AHCYL2: variants seen among roughly 807,000 people sequenced by gnomAD.
AHCYL2 encodes the protein S-adenosylhomocysteine hydrolase-like protein 2.
A neutral mutation model predicts 81.4 loss-of-function variants in AHCYL2; 28 were observed. The observed-to-expected ratio is 0.34, with a 90% CI of 0.25 to 0.47. The LOEUF (loss-of-function observed/expected upper bound fraction) is 0.47. AHCYL2 is among the 20% of genes least tolerant of loss of function. The probability of loss-of-function intolerance (pLI) is 1.00; values close to 1 mark genes in which losing one functional copy is unlikely to be tolerated. For synonymous variants in AHCYL2, 272 were observed against 290.2 expected (o/e 0.94, Z 0.64); for missense variants, 551 against 785.1 (o/e 0.70, Z 3.56).
At chr7:129,321,742 T>C (rs1798023112) in intron 1 of AHCYL2, among the ~76,000 whole-genome samples, 1 of 125,304 alleles carries the variant, frequency 8.0e-6, no homozygotes, top group Non-Finnish European at 1.6e-5. Flanking sequence ...ATTCTTTCTT[T>C]GTTTTTTTTT....
chr7:129,349,651 C>CAAAAAA (rs34969591), intron 1 of AHCYL2, among the ~76,000 whole-genome samples: 1 of 86,106 alleles, frequency 1.2e-5, no homozygotes, highest in South Asian at 4.7e-4. Context: ...GACTCTGTTT[C>CAAAAAA]AAAAAAAAAA....
rs1289950756 is a variant in AHCYL2 at position 129,385,084 on chromosome 7, G to C, written c.476-3972G>C. Among the ~76,000 whole-genome samples the C allele has an allele frequency of 3.9e-5, 6 of 152,230 alleles. No individual in the cohort carries two copies. In the East Asian group the frequency reaches 1.2e-3, roughly 29 times the overall value. The stretch of plus-strand genomic sequence containing the variant: ...AGTTACTTGGTTAAGGATGAGGAAA[G>C]AAGACAGAAGTCCCTTCTTCACGAT... On this transcript the variant is annotated intron_variant, in intron 2 of 16. Coordinates refer to ENST00000325006, the MANE Select transcript of AHCYL2 (RefSeq NM_015328.4).
chr7:129,260,124 G>A (rs1795572706), intron 1 of AHCYL2, among the ~76,000 whole-genome samples: 1 of 150,778 alleles, frequency 6.6e-6, no homozygotes, highest in African/African-American at 2.4e-5. Flanking sequence ...GATTTTTAAG[G>A]TAATGTGCCT....
intron 4 of AHCYL2, among the ~76,000 whole-genome samples, chr7:129,395,868 G>C (rs760747257): frequency 6.6e-6 from 1 of 152,132 alleles, no homozygotes; most frequent in Non-Finnish European, 1.5e-5. Flanking sequence ...CCAGCCTTTC[G>C]TAATTGTTCA....
At chr7:129,416,516 A>G (rs1179387922) in intron 12 of AHCYL2, among the ~76,000 whole-genome samples, 1 of 151,910 alleles carries the variant, frequency 6.6e-6, no homozygotes, top group Admixed American at 6.6e-5. Flanking sequence ...GAATATGATG[A>G]GCCGGGCCCA....
chr7:129,404,862 G>A (rs1299306975), intron 7 of AHCYL2, among the ~76,000 whole-genome samples: 2 of 151,980 alleles, frequency 1.3e-5, no homozygotes, highest in East Asian at 3.9e-4. Context: ...AAAATTTAGA[G>A]GTGGGTCAAG....
chr7:129,255,500 C>T (rs139404035), intron 1 of AHCYL2, among the ~76,000 whole-genome samples: 34 of 152,244 alleles, frequency 2.2e-4, no homozygotes, highest in African/African-American at 7.9e-4. Context: ...ATCTATTGGA[C>T]AGTGTGGGTC....
At chr7:129,247,475 A>C (rs977653486) in intron 1 of AHCYL2, among the ~76,000 whole-genome samples, 6 of 152,166 alleles carry the variant, frequency 3.9e-5, no homozygotes, top group African/African-American at 1.4e-4. Flanking sequence ...GATTTTTCAG[A>C]TATGTGATTT....
At chr7:129,358,824 C>T (rs550973838) in intron 1 of AHCYL2, among the ~76,000 whole-genome samples, 5 of 152,122 alleles carry the variant, frequency 3.3e-5, no homozygotes, top group African/African-American at 1.2e-4. Context: ...AGATGAAAAC[C>T]ACAGTGTGAC....
intron 1 of AHCYL2, among the ~76,000 whole-genome samples, chr7:129,228,776 G>A (rs532735979): frequency 5.9e-5 from 9 of 152,348 alleles, no homozygotes; most frequent in East Asian, 3.9e-4. Flanking sequence ...AGTAATGACC[G>A]TGTTCAAACA....
At position 129,316,647 on chromosome 7, in the gene AHCYL2, A is replaced by G. The variant is rs1285941685; in HGVS notation, c.364-62991A>G. On this transcript the variant is annotated intron_variant, in intron 1 of 16. Coordinates refer to ENST00000325006, the MANE Select transcript of AHCYL2 (RefSeq NM_015328.4). Reference sequence around the variant, plus strand: ...AATATTTATTAGCCATGCACAGTATATTAAGCACTGTATACAACACAGTAC... The same window carrying G: ...AATATTTATTAGCCATGCACAGTATGTTAAGCACTGTATACAACACAGTAC... Among the ~76,000 whole-genome samples, 5 of 152,254 alleles carry G rather than the reference A, an allele frequency of 3.3e-5. No homozygotes were observed. The East Asian group carries it at 9.6e-4, about 29-fold the overall frequency.
At chr7:129,336,906 CTGGCTAATTTTTAATTTTT>C (rs1290240257) in intron 1 of AHCYL2, among the ~76,000 whole-genome samples, 2 of 152,122 alleles carry the variant, frequency 1.3e-5, no homozygotes, top group African/African-American at 4.8e-5. Flanking sequence ...GCCACCGTGC[CTGGCTAATTTTTAATTTTT>C]TGTAAAGACG....
At chr7:129,325,096 T>C (rs1220487179) in intron 1 of AHCYL2, among the ~76,000 whole-genome samples, 1 of 152,202 alleles carries the variant, frequency 6.6e-6, no homozygotes, top group African/African-American at 2.4e-5. Context: ...AAAAAATGTT[T>C]GTATTTACCA....
chr7:129,347,497 G>A (rs569771299), intron 1 of AHCYL2, among the ~76,000 whole-genome samples: 6 of 152,180 alleles, frequency 3.9e-5, no homozygotes, highest in Admixed American at 6.5e-5. Flanking sequence ...ACTGCATGGA[G>A]ACAGGTCAAA....
chr7:129,255,337 GTTA>G (rs965762874), intron 1 of AHCYL2, among the ~76,000 whole-genome samples: 1 of 152,038 alleles, frequency 6.6e-6, no homozygotes, highest in African/African-American at 2.4e-5. Flanking sequence ...AAATTAAAAA[GTTA>G]TTATTTTAAC....
chr7:129,345,767 A>C (rs926997862), intron 1 of AHCYL2, among the ~76,000 whole-genome samples: 23 of 152,196 alleles, frequency 1.5e-4, no homozygotes, highest in African/African-American at 5.1e-4. Context: ...TACTGGGGCC[A>C]TTTCTGCAAA....
chr7:129,373,698 T>C (rs1794532351), intron 1 of AHCYL2, among the ~76,000 whole-genome samples: 1 of 152,188 alleles, frequency 6.6e-6, no homozygotes, highest in African/African-American at 2.4e-5. Context: ...GGTATAGATA[T>C]GCCAGTCCTT....
At chr7:129,338,456 AC>A (rs1793042115) in intron 1 of AHCYL2, among the ~76,000 whole-genome samples, 1 of 152,136 alleles carries the variant, frequency 6.6e-6, no homozygotes, top group Non-Finnish European at 1.5e-5. Context: ...TGCCTGGCCT[AC>A]CTTATAAATT....
intron 1 of AHCYL2, among the ~76,000 whole-genome samples, chr7:129,333,648 C>G (rs1230272022): frequency 6.6e-6 from 1 of 152,140 alleles, no homozygotes; most frequent in Non-Finnish European, 1.5e-5. Flanking sequence ...CTTCTCTGAG[C>G]TCAGGAAACT....
Sources: gnomAD v4.1 joint callset for allele counts (sites outside exome capture counted in the v4.1 genomes callset) on GRCh38, gnomAD v4.1.1 for gene constraint, MANE v1.5 for transcripts, NCBI Gene and HGNC (gene_info 2026-07-23, HGNC 2026-07-21) for gene names.